PTK2B: variants seen among roughly 807,000 people sequenced by gnomAD.
The protein encoded by PTK2B is protein tyrosine kinase 2 beta.
Under a neutral mutation model 142.9 loss-of-function variants are expected in PTK2B, and 71 were observed. The observed-to-expected ratio is 0.50, with a 90% CI of 0.41 to 0.61. PTK2B has a LOEUF of 0.61. PTK2B is among the 20% of genes least tolerant of loss of function. The pLI, the probability that PTK2B is intolerant of heterozygous loss-of-function variation, is 0.00. For missense variants in PTK2B, 1,105 were observed against 1,320.4 expected, an observed-to-expected ratio of 0.84 and a Z score of 2.53; for synonymous variants, 519 against 503.4, an observed-to-expected ratio of 1.03 and a Z score of -0.42.
chr8:27,332,423 ACT>A (rs929960653), intron 1 of PTK2B, among the ~76,000 whole-genome samples: 11 of 151,896 alleles, frequency 7.2e-5, no homozygotes, highest in African/African-American at 2.7e-4. Flanking sequence ...GGTGGGTTTG[ACT>A]CTCGACTCTG....
In PTK2B at chr8:27,376,351, C is replaced by G. The variant is rs1412110781; in HGVS notation, c.-37-21197C>G. 2.6e-5 allele frequency among the ~76,000 whole-genome samples: 4 copies of G among 152,224 alleles called. No individual in the cohort carries two copies. In the East Asian group the frequency reaches 7.7e-4, roughly 29 times the overall value. On this transcript the variant is annotated intron_variant, in intron 1 of 30. Transcript: ENST00000346049. ...CAGCAGATCTTGTCCAAATTGATTC[C>G]TGTGGGCTTCTTGAGGTTGGGACTA...
rs1255624785 is a variant in PTK2B, at chr8:27,444,196, C to T, written c.2149-10C>T. On this transcript the variant is annotated splice_polypyrimidine_tract_variant and intron_variant, in intron 22 of 30. Coordinates refer to ENST00000346049, the MANE Select transcript of PTK2B (RefSeq NM_173176.3). ...GGACAGAGACTGACCCATCTGTGTT[C>T]TCTCTCCAGCCCAGCCGACCTAAGT... The T allele has an allele frequency of 1.9e-6, 3 of 1,610,670 alleles. No individual in the cohort carries two copies. The highest frequency in any genetic ancestry group is 2.2e-5 in the East Asian group (1 of 44,860).
intron 1 of PTK2B, among the ~76,000 whole-genome samples, chr8:27,342,289 C>CTT (rs111449065): frequency 6.8e-6 from 1 of 146,012 alleles, no homozygotes; most frequent in Admixed American, 6.8e-5. Context: ...TACTTTGTTC[C>CTT]TTTTTTTTTT....
In PTK2B at chr8:27,430,101, T is replaced by TC; in HGVS notation, c.561dup (p.Lys188GlnfsTer9). ...ACCACCTATTTCTCCAGGCGGTTCT[T>TC]CAAGGATATGCCCCACAATGCACTT... On this transcript the variant is annotated frameshift_variant, in exon 6 of 31. Coordinates refer to ENST00000346049, the MANE Select transcript of PTK2B (RefSeq NM_173176.3). LOFTEE classifies it high-confidence loss of function. The TC allele has an allele frequency of 6.2e-7, 1 of 1,613,968 alleles. No individual in the cohort carries two copies. Among genetic ancestry groups the TC allele is most frequent in the Middle Eastern group, 1.6e-4 (1 of 6,062 alleles).
At chr8:27,391,753 A>T (rs140035922) in intron 1 of PTK2B, among the ~76,000 whole-genome samples, 2 of 152,360 alleles carry the variant, frequency 1.3e-5, no homozygotes, top group East Asian at 1.9e-4. Context: ...GAGATTGTCC[A>T]TCCTCCTGTA....
chr8:27,451,347 G>T (rs545242465), intron 26 of PTK2B, 138 bp from the exon 27 acceptor site: 1 of 1,404,928 alleles, frequency 7.1e-7, no homozygotes, highest in South Asian at 1.3e-5. Flanking sequence ...GTCACGAGCT[G>T]CTCCCAGAAG....
At chr8:27,380,592 C>T (rs565416218) in intron 1 of PTK2B, 4 of 152,078 alleles carry the variant, frequency 2.6e-5, no homozygotes, top group South Asian at 2.1e-4. Context: ...GCTTGGGTAA[C>T]GACAAGAAAC....
At chr8:27,310,752 C>T (rs1802916772), upstream of PTK2B, 2 of 1,527,238 alleles carry the variant, frequency 1.3e-6, no homozygotes, top group Admixed American at 2.0e-5. Context: ...CCAAGGGATT[C>T]CGGGTTCCAG....
In PTK2B at chr8:27,390,438, C is replaced by G. The variant is rs150076742; in HGVS notation, c.-37-7110C>G. ...TCACTTGAGGCCGGGAGTTCAAGAC[C>G]AGCCTGGGCAACATAGAGAAACCCT... On this transcript the variant is annotated intron_variant, in intron 1 of 30. Transcript: ENST00000346049. Among the ~76,000 whole-genome samples, 551 of 152,098 alleles carry G rather than the reference C, an allele frequency of 3.6e-3. 1 individual carries two copies. The highest frequency in any genetic ancestry group is 0.013 in the African/African-American group (521 of 41,474).
intron 21 of PTK2B, among the ~76,000 whole-genome samples, chr8:27,441,095 G>C (rs2132249449): frequency 1.3e-5 from 2 of 152,200 alleles, no homozygotes; most frequent in Admixed American, 1.3e-4. Flanking sequence ...TTTCTATAAA[G>C]GGCCAAATAG....
At chr8:27,390,685 G>A (rs1347868378) in intron 1 of PTK2B, among the ~76,000 whole-genome samples, 3 of 152,078 alleles carry the variant, frequency 2.0e-5, no homozygotes, top group Admixed American at 6.5e-5. Flanking sequence ...ATTAAAAAGT[G>A]GGTCTTAGTA....
chr8:27,400,632 G>T (rs1808321971), intron 2 of PTK2B, among the ~76,000 whole-genome samples: 2 of 152,080 alleles, frequency 1.3e-5, no homozygotes, highest in South Asian at 4.1e-4. Flanking sequence ...ATATAGGGAG[G>T]GAAAGAAAGG....
At chr8:27,329,794 T>G (rs915820886) in intron 1 of PTK2B, among the ~76,000 whole-genome samples, 1 of 152,134 alleles carries the variant, frequency 6.6e-6, no homozygotes, top group African/African-American at 2.4e-5. Flanking sequence ...TCAGTCAGTC[T>G]GCCTGGGTTC....
intron 1 of PTK2B, among the ~76,000 whole-genome samples, chr8:27,357,326 C>T (rs1420428707): frequency 6.6e-6 from 1 of 152,206 alleles, no homozygotes; most frequent in African/African-American, 2.4e-5. Context: ...AATTTTCTCA[C>T]CACTTGTATG....
At chr8:27,457,494 CA>C (rs1395899826) in intron 30 of PTK2B, among the ~76,000 whole-genome samples, 1 of 152,182 alleles carries the variant, frequency 6.6e-6, no homozygotes, top group African/African-American at 2.4e-5. Context: ...TTTCTAAGGC[CA>C]TAGCTGCCAT....
At chr8:27,312,806 G>T (rs892598885) in intron 2 of PTK2B, among the ~76,000 whole-genome samples, 3 of 152,042 alleles carry the variant, frequency 2.0e-5, no homozygotes, top group Non-Finnish European at 4.4e-5. Context: ...GGAATAACTG[G>T]CCATAAAGAA....
At chr8:27,316,277 A>T (rs1803092157) in intron 3 of PTK2B, among the ~76,000 whole-genome samples, 1 of 151,270 alleles carries the variant, frequency 6.6e-6, no homozygotes, top group African/African-American at 2.4e-5. Context: ...CAGAGAGTAA[A>T]GGAGGAAATT....
chr8:27,391,940 C>T (rs563729743), intron 1 of PTK2B, among the ~76,000 whole-genome samples: 203 of 152,220 alleles, frequency 1.3e-3, no homozygotes, highest in Non-Finnish European at 2.4e-3. Flanking sequence ...ACTGGTGCCA[C>T]AGGATGTAGT....
rs190027105 is a variant in PTK2B, at chr8:27,376,519, G to A, written c.-37-21029G>A. 1.4e-3 allele frequency among the ~76,000 whole-genome samples: 213 copies of A among 152,324 alleles called. 1 individual carries two copies. The highest frequency in any genetic ancestry group is 4.8e-3 in the African/African-American group (199 of 41,568). On this transcript the variant is annotated intron_variant, in intron 1 of 30. Transcript: ENST00000346049. ...AGGTAAAATGAGGCTGAGACCTATT[G>A]TGTTGCATTCCCAGATGATGAAGGC...
Sources: gnomAD v4.1 joint callset for allele counts (sites outside exome capture counted in the v4.1 genomes callset) on GRCh38, gnomAD v4.1.1 for gene constraint, MANE v1.5 for transcripts, NCBI Gene and HGNC (gene_info 2026-07-23, HGNC 2026-07-21) for gene names.